Variants in LRRTM1 observed in about 807,000 individuals in gnomAD.
LRRTM1 encodes leucine rich repeat transmembrane neuronal 1.
In LRRTM1, 8 loss-of-function variants were observed where a neutral mutation model predicts 37.3. The observed-to-expected ratio is 0.21, with a 90% CI of 0.13 to 0.39. LRRTM1 has a LOEUF of 0.39. LRRTM1 is among the 10% of genes least tolerant of loss of function. The pLI is 1.00. For synonymous variants in LRRTM1, 326 were observed against 316.8 expected (o/e 1.03, Z -0.31); for missense variants, 557 against 691.0 (o/e 0.81, Z 2.17).
intron 2 of LRRTM1, among the ~76,000 whole-genome samples, chr2:80,293,545 G>A (rs982772049): frequency 5.9e-5 from 9 of 152,154 alleles, no homozygotes; most frequent in South Asian, 2.1e-4. Context: ...ATTCACTTGT[G>A]TTGTTTCATT....
chr2:80,303,690 G>A lies in LRRTM1; in HGVS notation c.130C>T (p.Arg44Trp), dbSNP rs202209285. The change falls in exon 2 of 2, where the codon CGG (arginine) becomes TGG (tryptophan). Residue 44 changes from arginine (R) to tryptophan (W), a missense_variant. Transcript: ENST00000295057. The surrounding 1 kb of genome is among the most constrained non-coding windows in gnomAD (Gnocchi z 7.7). ...CAGTACAGCAGCCGCCCCTCGCACCGGCACAGCTGCGGGCACCCGCTGGGG... is the reference window on the plus strand; with the variant it reads ...CAGTACAGCAGCCGCCCCTCGCACCAGCACAGCTGCGGGCACCCGCTGGGG... Reference protein sequence around the residue: ...AAPSGCPQLCRCEGRLLYCEA... With the variant: ...AAPSGCPQLCWCEGRLLYCEA... The A allele has an allele frequency of 2.5e-6, 4 of 1,610,336 alleles. No homozygotes were observed. The highest frequency in any genetic ancestry group is 2.2e-5 in the East Asian group (1 of 44,750).
intron 2 of LRRTM1, among the ~76,000 whole-genome samples, chr2:80,293,068 C>T (rs1281746377): frequency 6.6e-6 from 1 of 152,210 alleles, no homozygotes; most frequent in Admixed American, 6.5e-5. Flanking sequence ...AACACAGTCT[C>T]AGTTTCAGGG....
In LRRTM1 at chr2:80,303,232, C is replaced by A. The variant is rs769674263; in HGVS notation, c.588G>T (p.Gln196His). Residue 196 changes from glutamine to histidine, a missense_variant, in exon 2 of 2, where the codon CAG becomes CAT. Gln to His is a conservative substitution (Grantham distance 24). Transcript: ENST00000295057. The surrounding 1 kb of genome is among the most constrained non-coding windows in gnomAD (Gnocchi z 7.7). Reference sequence around the variant, plus strand: ...AAGAGTTGCGCGCCAGACTCTTGAGCTGATTGTATCCGATGTCGAGAAACT... The same window carrying A: ...AAGAGTTGCGCGCCAGACTCTTGAGATGATTGTATCCGATGTCGAGAAACT... ...SLKFLDIGYN[Q>H]LKSLARNSFA... 3.1e-6 allele frequency: 5 copies of A among 1,613,634 alleles called. No homozygotes were observed. The Admixed American group carries it at 8.3e-5, about 27-fold the overall frequency.
At chr2:80,300,067 T>C (rs140924218), downstream of LRRTM1, among the ~76,000 whole-genome samples, 2,536 of 152,304 alleles carry the variant, frequency 0.017, 36 homozygotes, top group Non-Finnish European at 0.025. Context: ...ACCCCTGCTC[T>C]TGGAGTGGTA....
chr2:80,296,860 A>G (rs566168768), intron 2 of LRRTM1, among the ~76,000 whole-genome samples: 1 of 152,294 alleles, frequency 6.6e-6, no homozygotes, highest in African/African-American at 2.4e-5. Flanking sequence ...TCCAGACACA[A>G]ACAAGTAAAT....
In LRRTM1 at chr2:80,302,602, G is replaced by C. The variant is rs769080308; in HGVS notation, c.1218C>G (p.Phe406Leu). 1.9e-6 allele frequency: 3 copies of C among 1,606,298 alleles called. No individual in the cohort carries two copies. Among genetic ancestry groups the C allele is most frequent in the Admixed American group, 1.7e-5 (1 of 59,954 alleles). Residue 406 changes from phenylalanine (F) to leucine (L), a missense_variant, in exon 2 of 2, where the codon TTC (phenylalanine) becomes TTG (leucine). Phe to Leu is a conservative substitution (Grantham distance 22). This residue lies in a region of LRRTM1 where 89 missense variants were observed against 80.7 expected (regional missense o/e 1.10). Coordinates refer to ENST00000295057, the MANE Select transcript of LRRTM1 (RefSeq NM_178839.5). The surrounding 1 kb of genome is among the most constrained non-coding windows in gnomAD (Gnocchi z 6.4). ...DGGEGQHDGTFEPATVALPGG... is the reference protein window; with the variant it reads ...DGGEGQHDGTLEPATVALPGG... Reference sequence around the variant, plus strand: ...CTGGAAGAGCCACGGTGGCAGGCTCGAATGTGCCGTCGTGCTGCCCCTCCC... The same window carrying C: ...CTGGAAGAGCCACGGTGGCAGGCTCCAATGTGCCGTCGTGCTGCCCCTCCC...
downstream of LRRTM1, among the ~76,000 whole-genome samples, chr2:80,301,230 A>C (rs2149204183): frequency 6.6e-6 from 1 of 152,292 alleles, no homozygotes; most frequent in African/African-American, 2.4e-5. Context: ...TGGGAGCCTA[A>C]GCTTGCTGCA....
intron 2 of LRRTM1, among the ~76,000 whole-genome samples, chr2:80,289,784 G>A (rs1169657922): frequency 2.6e-5 from 4 of 152,214 alleles, no homozygotes; most frequent in African/African-American, 7.2e-5. Context: ...TGTGTTATAC[G>A]GTAGGGAAAA....
Position 80,302,120 on chromosome 2 carries a change from A to T in LRRTM1, c.*131T>A. 1 of 1,189,316 alleles carries T rather than the reference A, an allele frequency of 8.4e-7. No homozygotes were observed. The highest frequency in any genetic ancestry group is 1.1e-6 in the Non-Finnish European group (1 of 871,382). The allele number at this position is 1,189,316 out of a possible 1,614,324, so 73.7% of individuals were successfully genotyped here. On this transcript the variant is annotated 3_prime_UTR_variant, in exon 2 of 2. Coordinates refer to ENST00000295057, the MANE Select transcript of LRRTM1 (RefSeq NM_178839.5). This position sits in a 1 kb window ranked among gnomAD's most constrained non-coding sequence, Gnocchi z 6.4. Reference sequence around the variant, plus strand: ...AGCTAAAATGTCAAGTCTCTGGGAGAGATCCCCTTAAAGTTTCAGTCAAGG... The same window carrying T: ...AGCTAAAATGTCAAGTCTCTGGGAGTGATCCCCTTAAAGTTTCAGTCAAGG...
chr2:80,290,387 A>G (rs1480063733), intron 2 of LRRTM1, among the ~76,000 whole-genome samples: 1 of 151,854 alleles, frequency 6.6e-6, no homozygotes, highest in East Asian at 1.9e-4. Context: ...TGACCTTCTC[A>G]TTTCTTCCCC....
intron 2 of LRRTM1, among the ~76,000 whole-genome samples, chr2:80,290,905 A>G (rs890305086): frequency 2.6e-5 from 4 of 152,206 alleles, no homozygotes; most frequent in African/African-American, 9.6e-5. Context: ...GACGTAAAAC[A>G]CTAAACTGAC....
chr2:80,295,097 T>G (rs962582692), intron 2 of LRRTM1, among the ~76,000 whole-genome samples: 8 of 152,076 alleles, frequency 5.3e-5, no homozygotes, highest in African/African-American at 1.9e-4. Flanking sequence ...CCTTTTTTTC[T>G]TCTCAATCTC....
At position 80,303,176 on chromosome 2, in the gene LRRTM1, T is replaced by C. The variant is rs772584508; in HGVS notation, c.644A>G (p.His215Arg). Residue 215 changes from histidine (H) to arginine (R), a missense_variant, in exon 2 of 2, where the codon CAC becomes CGC. His to Arg is a conservative substitution (Grantham distance 29). This residue lies in a region of LRRTM1 where 200 missense variants were observed against 249.9 expected (regional missense o/e 0.80). Transcript: ENST00000295057. The surrounding 1 kb of genome is among the most constrained non-coding windows in gnomAD (Gnocchi z 7.7). Reference sequence around the variant, plus strand: ...CTTGACCAAGTCGTTGTGCTCGAGGTGCAGCTCGGTGAGCTTAAACAAGCC... The same window carrying C: ...CTTGACCAAGTCGTTGTGCTCGAGGCGCAGCTCGGTGAGCTTAAACAAGCC... ...FAGLFKLTEL[H>R]LEHNDLVKVN... is the part of the protein sequence containing the mutation. The C allele has an allele frequency of 1.2e-6, 2 of 1,614,004 alleles. No homozygotes were observed. Among genetic ancestry groups the C allele is most frequent in the Admixed American group, 1.7e-5 (1 of 60,010 alleles).
At chr2:80,299,287 A>G (rs1310569230), downstream of LRRTM1, 1 of 152,214 alleles carries the variant, frequency 6.6e-6, no homozygotes, top group Non-Finnish European at 1.5e-5. Context: ...AGATTAATTA[A>G]TTTGAGAAAG....
chr2:80,292,897 A>G (rs1373169762), intron 2 of LRRTM1, among the ~76,000 whole-genome samples: 3 of 152,144 alleles, frequency 2.0e-5, no homozygotes, highest in Non-Finnish European at 4.4e-5. Context: ...TTCCTACAGC[A>G]TGTTTGCTCT....
At chr2:80,301,754 A>G (rs532959177), downstream of LRRTM1, 332 of 152,788 alleles carry the variant, frequency 2.2e-3, 3 homozygotes, top group African/African-American at 7.3e-3. Flanking sequence ...GAATCTGACT[A>G]CGTTGCTCCT....
chr2:80,302,129 T>G lies in LRRTM1; in HGVS notation c.*122A>C. 1 of 1,269,928 alleles carries G rather than the reference T, an allele frequency of 7.9e-7. No homozygotes were observed. Among genetic ancestry groups the G allele is most frequent in the Non-Finnish European group, 1.1e-6 (1 of 939,732 alleles). The allele number at this position is 1,269,928 out of a possible 1,614,324, so 78.7% of individuals were successfully genotyped here. A position where few individuals can be genotyped will look rare whatever the true frequency, so the allele number is the denominator to read the frequency against. ...GTCAAGTCTCTGGGAGAGATCCCCT[T>G]AAAGTTTCAGTCAAGGAGCATATCA... On this transcript the variant is annotated 3_prime_UTR_variant, in exon 2 of 2. Coordinates refer to ENST00000295057, the MANE Select transcript of LRRTM1 (RefSeq NM_178839.5). This position sits in a 1 kb window ranked among gnomAD's most constrained non-coding sequence, Gnocchi z 6.4.
chr2:80,303,061 G>T lies in LRRTM1; in HGVS notation c.759C>A (p.Asp253Glu). The change falls in exon 2 of 2, where the codon GAC becomes GAA. Residue 253 changes from aspartate (D) to glutamate (E), a missense_variant. Physicochemically the swap from Asp to Glu is conservative, Grantham distance 45. Around this residue, in one of 5 missense-constraint regions of LRRTM1, gnomAD observed 200 missense variants for 249.9 expected, o/e 0.80. Coordinates refer to ENST00000295057, the MANE Select transcript of LRRTM1 (RefSeq NM_178839.5). The surrounding 1 kb of genome is among the most constrained non-coding windows in gnomAD (Gnocchi z 7.7). ...CCATTTTCTCCAGGTTCCAAACCCA[G>T]TCCAGCGAGCTGACCACAATGGCCA... ...NKVAIVVSSL[D>E]WVWNLEKMDL... 1 of 1,613,998 alleles carries T rather than the reference G, an allele frequency of 6.2e-7. No homozygotes were observed. Among genetic ancestry groups the T allele is most frequent in the Non-Finnish European group, 8.5e-7 (1 of 1,180,026 alleles).
chr2:80,303,099 G>T lies in LRRTM1; in HGVS notation c.721C>A (p.Arg241=), dbSNP rs1410901637. ...RLISLHSLCL[R]RNKVAIVVSS... is the part of the protein sequence containing the mutation. ...ACCACAATGGCCACCTTGTTCCTCC[G>T]CAGGCAGAGCGAGTGCAGGGAGATG... is the stretch of plus-strand genomic sequence containing the variant. The change falls in exon 2 of 2, where the codon CGG becomes AGG. Residue 241 remains arginine, a synonymous_variant. Coordinates refer to ENST00000295057, the MANE Select transcript of LRRTM1 (RefSeq NM_178839.5). This position sits in a 1 kb window ranked among gnomAD's most constrained non-coding sequence, Gnocchi z 7.7. 3 of 1,614,076 alleles carry T rather than the reference G, an allele frequency of 1.9e-6. No individual in the cohort carries two copies. The highest frequency in any genetic ancestry group is 1.3e-5 in the African/African-American group (1 of 74,996).
Sources: gnomAD v4.1 joint callset for allele counts (sites outside exome capture counted in the v4.1 genomes callset) on GRCh38, gnomAD v4.1.1 for gene constraint, gnomAD v4.1.1 regional missense constraint, Gnocchi (gnomAD v3.1) non-coding constraint, MANE v1.5 for transcripts, NCBI Gene and HGNC (gene_info 2026-07-23, HGNC 2026-07-21) for gene names.